LHFPL3: variants seen among roughly 807,000 people sequenced by gnomAD.
LHFPL3 encodes the protein LHFPL tetraspan subfamily member 3, also known as LHFPL tetraspan subfamily member 3 protein.
LHFPL3 carries 5 observed loss-of-function variants against 19.3 expected under a neutral mutation model. The ratio of observed to expected loss-of-function variants is 0.26; its 90% CI spans 0.14 to 0.54. The LOEUF (loss-of-function observed/expected upper bound fraction) is 0.54. Among genes scored for constraint, LHFPL3 ranks in the 20% least tolerant of loss-of-function variants. The pLI is 0.94. For synonymous variants in LHFPL3, 133 were observed against 126.2 expected (o/e 1.05, Z -0.36); for missense variants, 249 against 307.4 (o/e 0.81, Z 1.42).
intron 1 of LHFPL3, among the ~76,000 whole-genome samples, chr7:104,528,054 A>G (rs1794223560): frequency 6.6e-6 from 1 of 152,192 alleles, no homozygotes; most frequent in Non-Finnish European, 1.5e-5. Context: ...TAAACTCTGA[A>G]GAGGGTGCGA....
intron 2 of LHFPL3, among the ~76,000 whole-genome samples, chr7:104,848,108 G>C (rs1056458881): frequency 1.3e-5 from 2 of 152,186 alleles, no homozygotes; most frequent in Non-Finnish European, 2.9e-5. Flanking sequence ...GTATTACCAG[G>C]ATAGAATTTC....
intron 1 of LHFPL3, among the ~76,000 whole-genome samples, chr7:104,696,122 T>C (rs911821656): frequency 1.3e-5 from 2 of 152,142 alleles, no homozygotes; most frequent in African/African-American, 4.8e-5. Flanking sequence ...GGCTAATTTT[T>C]GTGTTTTTTA....
intron 1 of LHFPL3, among the ~76,000 whole-genome samples, chr7:104,599,488 T>C (rs768385832): frequency 6.6e-6 from 1 of 152,218 alleles, no homozygotes; most frequent in African/African-American, 2.4e-5. Context: ...CCTCTGTTTA[T>C]GGGTAGAGCA....
intron 1 of LHFPL3, among the ~76,000 whole-genome samples, chr7:104,678,018 A>G (rs1435171254): frequency 2.6e-5 from 4 of 152,192 alleles, no homozygotes; most frequent in Admixed American, 2.0e-4. Context: ...AGAACTCTGG[A>G]TTACACAAGA....
chr7:104,570,141 T>C (rs912278522), intron 1 of LHFPL3, among the ~76,000 whole-genome samples: 2 of 152,214 alleles, frequency 1.3e-5, no homozygotes, highest in African/African-American at 4.8e-5. Context: ...CATTGGAAAA[T>C]TGTGGGGTGG....
chr7:104,871,864 G>C (rs542852534), intron 2 of LHFPL3, among the ~76,000 whole-genome samples: 25 of 151,534 alleles, frequency 1.6e-4, no homozygotes, highest in African/African-American at 5.8e-4. Flanking sequence ...CTCCATGTTG[G>C]TCAGGCTGGT....
chr7:104,369,012 A>G (rs1346249960), intron 1 of LHFPL3, among the ~76,000 whole-genome samples: 1 of 152,206 alleles, frequency 6.6e-6, no homozygotes, highest in Non-Finnish European at 1.5e-5. Context: ...TACATCATTC[A>G]GGGTCTCTCC....
At chr7:104,723,428 G>A (rs1378721011) in intron 1 of LHFPL3, among the ~76,000 whole-genome samples, 1 of 152,014 alleles carries the variant, frequency 6.6e-6, no homozygotes, top group African/African-American at 2.4e-5. Flanking sequence ...TAGCATTCAA[G>A]AATGTTCTCT....
chr7:104,331,400 T>A (rs1801564616), intron 1 of LHFPL3, among the ~76,000 whole-genome samples: 1 of 152,232 alleles, frequency 6.6e-6, no homozygotes, highest in Admixed American at 6.5e-5. Context: ...TTATTTGCAA[T>A]TATTTGGCAT....
chr7:104,862,784 C>T (rs1791640673), intron 2 of LHFPL3, among the ~76,000 whole-genome samples: 2 of 152,264 alleles, frequency 1.3e-5, no homozygotes, highest in East Asian at 3.9e-4. Flanking sequence ...TCACCACAAC[C>T]TGGGAAGTAA....
In LHFPL3 at chr7:104,533,754, C is replaced by G. The variant is rs928730317; in HGVS notation, c.446-202921C>G. 5.3e-5 allele frequency among the ~76,000 whole-genome samples: 8 copies of G among 152,340 alleles called. No homozygotes were observed. In the South Asian group the frequency reaches 1.2e-3, roughly 24 times the overall value. On this transcript the variant is annotated intron_variant, in intron 1 of 2. Coordinates refer to ENST00000424859, the MANE Select transcript of LHFPL3 (RefSeq NM_199000.3). ...TTCAGGGACTCCAGATTTGACTGCA[C>G]TGTTTGCTTCCATCTCTGCTAGTTT...
intron 1 of LHFPL3, among the ~76,000 whole-genome samples, chr7:104,559,791 C>T (rs1010104405): frequency 1.5e-4 from 22 of 150,242 alleles, no homozygotes; most frequent in African/African-American, 5.3e-4. Flanking sequence ...AGTTTTTGCC[C>T]ATTCAGTATG....
chr7:104,459,641 A>G (rs1349587135), intron 1 of LHFPL3, among the ~76,000 whole-genome samples: 1 of 152,220 alleles, frequency 6.6e-6, no homozygotes, highest in Non-Finnish European at 1.5e-5. Flanking sequence ...ATAGTCAGAA[A>G]ACTGGCTGAA....
At chr7:104,791,353 T>A (rs777094517) in intron 2 of LHFPL3, among the ~76,000 whole-genome samples, 4 of 152,248 alleles carry the variant, frequency 2.6e-5, no homozygotes, top group Non-Finnish European at 5.9e-5. Context: ...AGAGTTTAAT[T>A]AATCATGGAG....
chr7:104,634,081 T>C (rs1427341963), intron 1 of LHFPL3, among the ~76,000 whole-genome samples: 2 of 152,258 alleles, frequency 1.3e-5, no homozygotes, highest in Admixed American at 6.5e-5. Context: ...ATCTAACAAA[T>C]ATCTTTATTT....
intron 1 of LHFPL3, among the ~76,000 whole-genome samples, chr7:104,649,594 C>T: frequency 6.6e-6 from 1 of 152,140 alleles, no homozygotes; most frequent in Non-Finnish European, 1.5e-5. Flanking sequence ...TGGACGGGGC[C>T]AAACCATAAC....
chr7:104,789,564 A>G (rs1789983442), intron 2 of LHFPL3, among the ~76,000 whole-genome samples: 1 of 152,130 alleles, frequency 6.6e-6, no homozygotes, highest in South Asian at 2.1e-4. Flanking sequence ...GCCTACTAGG[A>G]GTAAGAAATT....
At chr7:104,706,529 T>A (rs1793193214) in intron 1 of LHFPL3, among the ~76,000 whole-genome samples, 1 of 152,240 alleles carries the variant, frequency 6.6e-6, no homozygotes, top group Non-Finnish European at 1.5e-5. Flanking sequence ...GATTTTACTC[T>A]AGGCTGAGGC....
In LHFPL3 at chr7:104,459,893, C is replaced by A. The variant is rs555351132; in HGVS notation, c.445+130669C>A. ...TATTTTAGGTTCAGGAGTATATGTG[C>A]AGGTTTGTTATATAGGTAAATTTGT... On this transcript the variant is annotated intron_variant, in intron 1 of 2. Transcript: ENST00000424859. 4.6e-5 allele frequency among the ~76,000 whole-genome samples: 7 copies of A among 152,228 alleles called. No homozygotes were observed. The East Asian group carries it at 7.7e-4, about 17-fold the overall frequency.
Sources: gnomAD v4.1 joint callset for allele counts (sites outside exome capture counted in the v4.1 genomes callset) on GRCh38, gnomAD v4.1.1 for gene constraint, MANE v1.5 for transcripts, NCBI Gene and HGNC (gene_info 2026-07-23, HGNC 2026-07-21) for gene names.